The following ENTHD1 variants were observed in gnomAD, a reference collection of about 807,000 sequenced individuals.
ENTHD1 encodes ENTH domain-containing protein 1.
In ENTHD1, 23 loss-of-function variants were observed where a neutral mutation model predicts 39.1. That is an observed-to-expected ratio of 0.59 (90% CI 0.42 to 0.83). The LOEUF (loss-of-function observed/expected upper bound fraction) is 0.83, where lower values mean the gene tolerates loss of function less well. Among genes scored for constraint, ENTHD1 ranks in the 40% least tolerant of loss-of-function variants. The pLI is 0.00. For missense variants in ENTHD1, 624 were observed against 705.4 expected (o/e 0.88, Z 1.31); for synonymous variants, 230 against 258.2 (o/e 0.89, Z 1.05).
At chr22:39,756,297 C>CTG (rs2065184208) in intron 6 of ENTHD1, among the ~76,000 whole-genome samples, 1 of 148,036 alleles carries the variant, frequency 6.8e-6, no homozygotes, top group Non-Finnish European at 1.5e-5. Context: ...GTCTCTCTCT[C>CTG]TCTCTCTCTC....
chr22:39,814,829 A>G (rs1445619926), intron 5 of ENTHD1, among the ~76,000 whole-genome samples: 1 of 152,226 alleles, frequency 6.6e-6, no homozygotes, highest in Admixed American at 6.5e-5. Context: ...TTATCTTTAT[A>G]GTCTTGAATA....
intron 6 of ENTHD1, among the ~76,000 whole-genome samples, chr22:39,748,166 C>T (rs1179394583): frequency 6.6e-6 from 1 of 150,896 alleles, no homozygotes; most frequent in African/African-American, 2.4e-5. Flanking sequence ...GGAGGACCAC[C>T]TGAGCCTGGG....
chr22:39,879,125 C>T (rs527742126), intron 2 of ENTHD1, among the ~76,000 whole-genome samples: 1 of 151,980 alleles, frequency 6.6e-6, no homozygotes, highest in African/African-American at 2.4e-5. Context: ...AACAAACAAC[C>T]TGACTTAAGA....
Position 39,743,513 on chromosome 22 carries a change from C to A in ENTHD1, c.*166G>T. ...CATCTTTCCCTTTTAAAAAATAAACCACCCAAATGAAAGTATTAGTTTGAA... is the reference window on the plus strand; with the variant it reads ...CATCTTTCCCTTTTAAAAAATAAACAACCCAAATGAAAGTATTAGTTTGAA... On this transcript the variant is annotated 3_prime_UTR_variant, in exon 7 of 7. Transcript: ENST00000325157. The A allele has an allele frequency of 2.8e-6, 2 of 712,622 alleles. No homozygotes were observed. The highest frequency in any genetic ancestry group is 3.3e-5 in the South Asian group (1 of 30,358). 44.1% of individuals were successfully genotyped at this position (712,622 alleles called of 1,614,324 possible). A position where few individuals can be genotyped will look rare whatever the true frequency, so the allele number is the denominator to read the frequency against.
intron 5 of ENTHD1, among the ~76,000 whole-genome samples, chr22:39,782,642 A>G (rs184658901): frequency 6.6e-6 from 1 of 152,244 alleles, no homozygotes; most frequent in African/African-American, 2.4e-5. Context: ...TCAATGATGT[A>G]AGGATGATTC....
At chr22:39,826,088 G>T (rs2065824311) in intron 4 of ENTHD1, among the ~76,000 whole-genome samples, 1 of 152,148 alleles carries the variant, frequency 6.6e-6, no homozygotes, top group Non-Finnish European at 1.5e-5. Flanking sequence ...TCACCATGTT[G>T]GCCAGGCTGG....
At chr22:39,885,076 C>T (rs947808770) in intron 2 of ENTHD1, among the ~76,000 whole-genome samples, 7 of 152,134 alleles carry the variant, frequency 4.6e-5, no homozygotes, top group Middle Eastern at 3.2e-3. Flanking sequence ...TCTACAGAAT[C>T]GGAGAAGATA....
chr22:39,766,083 A>C (rs979291286), intron 5 of ENTHD1, among the ~76,000 whole-genome samples: 1 of 150,830 alleles, frequency 6.6e-6, no homozygotes, highest in African/African-American at 2.4e-5. Context: ...CCCAAAAATA[A>C]AGAATGTCTT....
chr22:39,786,869 T>C (rs1569139939), intron 5 of ENTHD1, among the ~76,000 whole-genome samples: 3 of 152,202 alleles, frequency 2.0e-5, no homozygotes, highest in Non-Finnish European at 2.9e-5. Flanking sequence ...AATGACAGGA[T>C]TTTTTTAAAA....
intron 5 of ENTHD1, among the ~76,000 whole-genome samples, chr22:39,811,047 A>C (rs566043917): frequency 6.6e-6 from 1 of 152,330 alleles, no homozygotes; most frequent in Non-Finnish European, 1.5e-5. Flanking sequence ...AGCACTCTTG[A>C]TGCTACATGT....
intron 5 of ENTHD1, among the ~76,000 whole-genome samples, chr22:39,776,777 C>G (rs577089711): frequency 3.9e-5 from 6 of 152,156 alleles, no homozygotes. Context: ...TTGCAGATGA[C>G]GATGAAATCT....
At chr22:39,777,399 C>T (rs182422222) in intron 5 of ENTHD1, among the ~76,000 whole-genome samples, 34 of 151,222 alleles carry the variant, frequency 2.2e-4, no homozygotes, top group African/African-American at 8.0e-4. Flanking sequence ...TGATTGTGTG[C>T]GTGTGTGTGT....
At chr22:39,779,319 C>T (rs920569593) in intron 5 of ENTHD1, among the ~76,000 whole-genome samples, 12 of 151,730 alleles carry the variant, frequency 7.9e-5, no homozygotes, top group South Asian at 2.1e-4. Flanking sequence ...CTAGCCTGGG[C>T]GACAGAGCAA....
chr22:39,876,514 TAAAAAAAAA>T (rs137946), intron 2 of ENTHD1, among the ~76,000 whole-genome samples: 1 of 105,794 alleles, frequency 9.5e-6, no homozygotes, highest in African/African-American at 3.6e-5. Flanking sequence ...ACGGGTCATC[TAAAAAAAAA>T]AAAAAAAAAA....
chr22:39,824,279 G>T (rs140185391), intron 4 of ENTHD1, among the ~76,000 whole-genome samples: 2 of 126,498 alleles, frequency 1.6e-5, no homozygotes, highest in Non-Finnish European at 3.1e-5. Flanking sequence ...GCACGATCTC[G>T]GCTCACTGCA....
At chr22:39,807,417 A>T (rs2146626464) in intron 5 of ENTHD1, among the ~76,000 whole-genome samples, 1 of 150,666 alleles carries the variant, frequency 6.6e-6, no homozygotes, top group Admixed American at 6.6e-5. Flanking sequence ...AACAATAAAC[A>T]TATGGCCACC....
intron 2 of ENTHD1, among the ~76,000 whole-genome samples, chr22:39,874,041 T>C (rs1444808728): frequency 1.3e-5 from 2 of 152,162 alleles, no homozygotes; most frequent in Non-Finnish European, 2.9e-5. Context: ...TCACATCTTA[T>C]GTGGATGGTG....
chr22:39,883,823 C>T (rs1601668982), intron 2 of ENTHD1, among the ~76,000 whole-genome samples: 1 of 132,630 alleles, frequency 7.5e-6, no homozygotes, highest in African/African-American at 2.9e-5. Flanking sequence ...CACTGCACTC[C>T]AGCCTGGATG....
chr22:39,878,287 A>G (rs575247014), intron 2 of ENTHD1, among the ~76,000 whole-genome samples: 1 of 152,322 alleles, frequency 6.6e-6, no homozygotes, highest in East Asian at 1.9e-4. Flanking sequence ...TGACAACAAC[A>G]ATAACAAGAA....
Sources: gnomAD v4.1 joint callset for allele counts (sites outside exome capture counted in the v4.1 genomes callset) on GRCh38, gnomAD v4.1.1 for gene constraint, MANE v1.5 for transcripts, NCBI Gene and HGNC (gene_info 2026-07-23, HGNC 2026-07-21) for gene names.